The following MTMR2 variants were observed in gnomAD, a reference collection of about 807,000 sequenced individuals.
MTMR2 encodes myotubularin related protein 2, also known as phosphatidylinositol-3,5-bisphosphate 3-phosphatase MTMR2.
Under a neutral mutation model 86.9 loss-of-function variants are expected in MTMR2, and 55 were observed. The ratio of observed to expected loss-of-function variants is 0.63; its 90% CI spans 0.51 to 0.79. The LOEUF is 0.79. Ranked by LOEUF, MTMR2 falls within the 30% of genes least tolerant of loss-of-function variation. MTMR2 has a pLI of 0.00. For synonymous variants in MTMR2, 241 were observed against 266.8 expected, an observed-to-expected ratio of 0.90 and a Z score of 0.94; for missense variants, 659 against 772.3, an observed-to-expected ratio of 0.85 and a Z score of 1.74.
chr11:95,907,689 G>T (rs1866335951), intron 1 of MTMR2, among the ~76,000 whole-genome samples: 1 of 152,108 alleles, frequency 6.6e-6, no homozygotes, highest in African/African-American at 2.4e-5. Flanking sequence ...TTTCTCCCCG[G>T]GATGCAAGGC....
At chr11:95,915,827 T>C (rs970267779) in intron 1 of MTMR2, among the ~76,000 whole-genome samples, 23 of 152,178 alleles carry the variant, frequency 1.5e-4, no homozygotes, top group African/African-American at 4.6e-4. Flanking sequence ...TGCAATTCCT[T>C]GAGCTCTTCA....
chr11:95,885,835 C>A (rs971501410), intron 2 of MTMR2, among the ~76,000 whole-genome samples: 2 of 152,004 alleles, frequency 1.3e-5, no homozygotes, highest in African/African-American at 4.8e-5. Context: ...ACCGCCTCAA[C>A]CAAGTGATCA....
intron 1 of MTMR2, among the ~76,000 whole-genome samples, chr11:95,899,991 G>A (rs1866012082): frequency 1.3e-5 from 2 of 152,144 alleles, no homozygotes; most frequent in Admixed American, 1.3e-4. Flanking sequence ...TTCTGCTCAG[G>A]TTATGGAGCA....
chr11:95,848,866 T>G lies in MTMR2; in HGVS notation c.993+808A>C, dbSNP rs556740674. 1.4e-4 allele frequency among the ~76,000 whole-genome samples: 21 copies of G among 152,298 alleles called. 1 individual carries two copies. In the East Asian group the frequency reaches 4.1e-3, roughly 29 times the overall value. On this transcript the variant is annotated intron_variant, in intron 9 of 14. Transcript: ENST00000346299. ...TCAAGGGATACCTGTTAAAGATTAC[T>G]TCTGAAGAGTGGGAATAAGACAGGA... is the stretch of plus-strand genomic sequence containing the variant.
chr11:95,912,170 G>C (rs1866535949), intron 1 of MTMR2, among the ~76,000 whole-genome samples: 1 of 149,646 alleles, frequency 6.7e-6, no homozygotes, highest in South Asian at 2.1e-4. Context: ...TTGTAGTCCA[G>C]AAAGGTTAAG....
Position 95,924,094 on chromosome 11 carries a change from T to G in MTMR2, c.-140A>C. ...GGGAGGGAGACCGGAAGCGGCCATGTTCCCCCAGAGTGCACCGCGCCTGTA... is the reference window on the plus strand; with the variant it reads ...GGGAGGGAGACCGGAAGCGGCCATGGTCCCCCAGAGTGCACCGCGCCTGTA... On this transcript the variant is annotated 5_prime_UTR_variant, in exon 1 of 15. Coordinates refer to ENST00000346299, the MANE Select transcript of MTMR2 (RefSeq NM_016156.6). The G allele has an allele frequency of 8.9e-7, 1 of 1,126,824 alleles. No individual in the cohort carries two copies. Among genetic ancestry groups the G allele is most frequent in the Non-Finnish European group, 1.3e-6 (1 of 769,742 alleles). 69.8% of individuals were successfully genotyped at this position (1,126,824 alleles called of 1,614,324 possible).
intron 7 of MTMR2, among the ~76,000 whole-genome samples, chr11:95,853,973 A>G (rs1050796577): frequency 3.3e-5 from 5 of 151,986 alleles, no homozygotes; most frequent in African/African-American, 1.2e-4. Context: ...CTCCCACCCC[A>G]CTTCCCATAT....
In MTMR2 at chr11:95,865,445, T is replaced by C. The variant is rs193198703; in HGVS notation, c.262+156A>G. 48 of 757,040 alleles carry C rather than the reference T, an allele frequency of 6.3e-5. No homozygotes were observed. In the African/African-American group the frequency reaches 7.8e-4, roughly 12 times the overall value. 46.9% of individuals were successfully genotyped at this position (757,040 alleles called of 1,614,324 possible). The stretch of plus-strand genomic sequence containing the variant: ...AGCAGCGGGTCTAGGCTTACGTTTG[T>C]AGAACACACTAAGATGCTGAGAAGA... On this transcript the variant is annotated intron_variant, in intron 3 of 14. Coordinates refer to ENST00000346299, the MANE Select transcript of MTMR2 (RefSeq NM_016156.6).
intron 11 of MTMR2, among the ~76,000 whole-genome samples, chr11:95,843,225 CTT>C (rs1863625757): frequency 6.6e-6 from 1 of 152,004 alleles, no homozygotes; most frequent in Admixed American, 6.6e-5. Flanking sequence ...CTTAAAAATA[CTT>C]GAAGGCTTTT....
At chr11:95,883,326 TCTA>T (rs1865401555) in intron 2 of MTMR2, among the ~76,000 whole-genome samples, 1 of 152,210 alleles carries the variant, frequency 6.6e-6, no homozygotes, top group Admixed American at 6.5e-5. Context: ...GGTTCTTAAT[TCTA>T]CTAAGTTGCC....
intron 2 of MTMR2, among the ~76,000 whole-genome samples, chr11:95,873,832 C>T: frequency 6.6e-6 from 1 of 151,788 alleles, no homozygotes; most frequent in African/African-American, 2.4e-5. Context: ...ATCTTTATTT[C>T]TGCCTTCATT....
intron 12 of MTMR2, among the ~76,000 whole-genome samples, chr11:95,839,580 GA>G (rs1863449113): frequency 1.3e-5 from 2 of 152,118 alleles, no homozygotes; most frequent in African/African-American, 4.8e-5. Context: ...CTCAGCAGAA[GA>G]GAACTATTTT....
chr11:95,865,914 A>AT (rs951801880), intron 2 of MTMR2, among the ~76,000 whole-genome samples: 2 of 152,148 alleles, frequency 1.3e-5, no homozygotes, highest in African/African-American at 4.8e-5. Flanking sequence ...GTTACACAAA[A>AT]AATTGTACAT....
intron 3 of MTMR2, among the ~76,000 whole-genome samples, chr11:95,863,640 T>A (rs1351237929): frequency 6.6e-6 from 1 of 152,170 alleles, no homozygotes; most frequent in East Asian, 1.9e-4. Context: ...CCTTCCACAG[T>A]CAATTTTCTT....
At position 95,836,206 on chromosome 11, in the gene MTMR2, C is replaced by T. The variant is rs1344622348; in HGVS notation, c.1712G>A (p.Arg571His). 11 of 1,612,568 alleles carry T rather than the reference C, an allele frequency of 6.8e-6. No homozygotes were observed. The highest frequency in any genetic ancestry group is 2.7e-5 in the African/African-American group (2 of 74,728). Residue 571 changes from arginine (R) to histidine (H), a missense_variant, in exon 14 of 15, where the codon CGC becomes CAC. This residue lies in a region of MTMR2 where 193 missense variants were observed against 191.6 expected (regional missense o/e 1.01). Coordinates refer to ENST00000346299, the MANE Select transcript of MTMR2 (RefSeq NM_016156.6). Reference protein sequence around the residue: ...NHVLYPVASMRHLELWVGYYI... With the variant: ...NHVLYPVASMHHLELWVGYYI... ...ATATCCCACCCAGAGCTCTAGGTGG[C>T]GCATGCTGGCTACTGGATAAAGGAC...
intron 1 of MTMR2, among the ~76,000 whole-genome samples, chr11:95,916,590 T>A (rs964028864): frequency 1.3e-5 from 2 of 151,608 alleles, no homozygotes; most frequent in Admixed American, 6.6e-5. Context: ...AAATTTAGCA[T>A]CTCCTATATT....
At chr11:95,914,734 T>C in intron 1 of MTMR2, among the ~76,000 whole-genome samples, 1 of 152,124 alleles carries the variant, frequency 6.6e-6, no homozygotes, top group East Asian at 1.9e-4. Context: ...CAACCTGCCC[T>C]GGGACTGCCC....
At chr11:95,850,314 T>C (rs1410155959) in intron 8 of MTMR2, among the ~76,000 whole-genome samples, 2 of 151,942 alleles carry the variant, frequency 1.3e-5, no homozygotes, top group African/African-American at 4.8e-5. Context: ...GACTAAAGAA[T>C]ATACAATAAG....
intron 1 of MTMR2, among the ~76,000 whole-genome samples, chr11:95,919,770 TTGAA>T (rs1206620936): frequency 6.6e-6 from 1 of 152,158 alleles, no homozygotes; most frequent in Admixed American, 6.5e-5. Flanking sequence ...TTTTAATCCT[TTGAA>T]TGGGAACAAC....
Sources: gnomAD v4.1 joint callset for allele counts (sites outside exome capture counted in the v4.1 genomes callset) on GRCh38, gnomAD v4.1.1 for gene constraint, gnomAD v4.1.1 regional missense constraint, MANE v1.5 for transcripts, NCBI Gene and HGNC (gene_info 2026-07-23, HGNC 2026-07-21) for gene names.